SYNDIG1: variants seen among roughly 807,000 people sequenced by gnomAD.
The protein encoded by SYNDIG1 is synapse differentiation-inducing gene protein 1.
A neutral mutation model predicts 19.4 loss-of-function variants in SYNDIG1; 9 were observed. The ratio of observed to expected loss-of-function variants is 0.46; its 90% CI spans 0.28 to 0.81. The LOEUF is 0.81. SYNDIG1 is among the 30% of genes least tolerant of loss of function. SYNDIG1 has a pLI of 0.12. For synonymous variants in SYNDIG1, 141 were observed against 145.9 expected (o/e 0.97, Z 0.24); for missense variants, 311 against 343.3 (o/e 0.91, Z 0.74).
intron 1 of SYNDIG1, among the ~76,000 whole-genome samples, chr20:24,529,019 C>G (rs1050077523): frequency 6.6e-6 from 1 of 152,122 alleles, no homozygotes; most frequent in Admixed American, 6.5e-5. Flanking sequence ...GATGAAGCCC[C>G]TCTGGCCCTC....
At chr20:24,569,013 G>A (rs897100959) in intron 2 of SYNDIG1, among the ~76,000 whole-genome samples, 2 of 152,134 alleles carry the variant, frequency 1.3e-5, no homozygotes, top group African/African-American at 4.8e-5. Context: ...CGCCAACCTG[G>A]GGAAATTGTC....
At chr20:24,485,936 C>A (rs1161884520) in intron 1 of SYNDIG1, among the ~76,000 whole-genome samples, 3 of 152,226 alleles carry the variant, frequency 2.0e-5, no homozygotes, top group African/African-American at 7.2e-5. Flanking sequence ...CAGGAGATGT[C>A]TTTGGCCCAA....
At chr20:24,649,522 G>A (rs532834371) in intron 3 of SYNDIG1, among the ~76,000 whole-genome samples, 73 of 152,244 alleles carry the variant, frequency 4.8e-4, no homozygotes, top group African/African-American at 1.1e-3. Context: ...TTGAGGTCTC[G>A]ATTGCTCACT....
intron 3 of SYNDIG1, among the ~76,000 whole-genome samples, chr20:24,603,106 C>A (rs2058702643): frequency 6.6e-6 from 1 of 152,114 alleles, no homozygotes; most frequent in African/African-American, 2.4e-5. Context: ...TGGAATCTGC[C>A]ACATTGTAGG....
Position 24,543,495 on chromosome 20 carries a change from T to G in SYNDIG1, c.398T>G (p.Phe133Cys), listed in dbSNP as rs148587691. 112 of 1,612,152 alleles carry G rather than the reference T, an allele frequency of 6.9e-5. No homozygotes were observed. In the African/African-American group the frequency reaches 1.3e-3, roughly 19 times the overall value. ...KDSLEYPDGKFIDLSADDIKI... is the reference protein window; with the variant it reads ...KDSLEYPDGKCIDLSADDIKI... ...AGCCTCGAGTACCCGGATGGGAAGT[T>G]CATTGACCTCTCAGCTGATGACATA... Residue 133 changes from phenylalanine to cysteine, a missense_variant, in exon 2 of 4, where the codon TTC becomes TGC. Coordinates refer to ENST00000376862, the MANE Select transcript of SYNDIG1 (RefSeq NM_024893.3).
chr20:24,506,619 A>G (rs1980824), intron 1 of SYNDIG1, among the ~76,000 whole-genome samples: 101,213 of 152,198 alleles, frequency 0.67, 33,798 homozygotes, highest in Middle Eastern at 0.76. Flanking sequence ...TGGCCCTGCT[A>G]CTGGGATGGA....
chr20:24,510,081 T>C (rs1239272575), intron 1 of SYNDIG1, among the ~76,000 whole-genome samples: 1 of 152,112 alleles, frequency 6.6e-6, no homozygotes, highest in East Asian at 1.9e-4. Context: ...TCCTGAGTCC[T>C]CCCCAGAAGC....
In SYNDIG1 at chr20:24,543,054, A is replaced by C; in HGVS notation, c.-44A>C. 1.3e-6 allele frequency: 2 copies of C among 1,586,728 alleles called. No homozygotes were observed. The highest frequency in any genetic ancestry group is 1.7e-6 in the Non-Finnish European group (2 of 1,163,390). Reference sequence around the variant, plus strand: ...CTTCCCTGAGGCAAGTGTAACCTACATTCCCAGCCCACCAGCCTGACGCCC... The same window carrying C: ...CTTCCCTGAGGCAAGTGTAACCTACCTTCCCAGCCCACCAGCCTGACGCCC... On this transcript the variant is annotated 5_prime_UTR_variant, in exon 2 of 4. Coordinates refer to ENST00000376862, the MANE Select transcript of SYNDIG1 (RefSeq NM_024893.3).
At chr20:24,470,410 C>G (rs1409653556) in intron 1 of SYNDIG1, among the ~76,000 whole-genome samples, 1 of 152,242 alleles carries the variant, frequency 6.6e-6, no homozygotes, top group Non-Finnish European at 1.5e-5. Flanking sequence ...CTAGCCAGGA[C>G]AAGACCTGCC....
At chr20:24,657,372 C>A (rs1384152210) in intron 3 of SYNDIG1, among the ~76,000 whole-genome samples, 1 of 152,156 alleles carries the variant, frequency 6.6e-6, no homozygotes, top group African/African-American at 2.4e-5. Flanking sequence ...AGAAGCCTCC[C>A]TGGGAGGAAG....
intron 1 of SYNDIG1, among the ~76,000 whole-genome samples, chr20:24,476,374 G>T (rs939245048): frequency 6.6e-6 from 1 of 151,986 alleles, no homozygotes; most frequent in Non-Finnish European, 1.5e-5. Flanking sequence ...ATCTTTAAAA[G>T]CTGTGGATAT....
At chr20:24,572,406 C>T (rs2058158839) in intron 2 of SYNDIG1, among the ~76,000 whole-genome samples, 1 of 152,180 alleles carries the variant, frequency 6.6e-6, no homozygotes, top group African/African-American at 2.4e-5. Flanking sequence ...TCTCCTGTGC[C>T]ACATCTTCGG....
chr20:24,614,750 C>T (rs2058903421), intron 3 of SYNDIG1, among the ~76,000 whole-genome samples: 1 of 152,094 alleles, frequency 6.6e-6, no homozygotes, highest in Non-Finnish European at 1.5e-5. Context: ...TATTAAAGTG[C>T]TAATTATTGA....
At chr20:24,553,884 A>G (rs375771228) in intron 2 of SYNDIG1, among the ~76,000 whole-genome samples, 1 of 152,182 alleles carries the variant, frequency 6.6e-6, no homozygotes, top group Non-Finnish European at 1.5e-5. Flanking sequence ...CATTGAATCT[A>G]TAAATTACCT....
intron 1 of SYNDIG1, among the ~76,000 whole-genome samples, chr20:24,532,478 G>C (rs555128602): frequency 2.0e-5 from 3 of 152,332 alleles, no homozygotes; most frequent in Admixed American, 6.5e-5. Context: ...CACATCATGG[G>C]CATGGGGTGA....
chr20:24,596,521 G>A (rs2058597531), intron 3 of SYNDIG1, among the ~76,000 whole-genome samples: 1 of 152,096 alleles, frequency 6.6e-6, no homozygotes, highest in Non-Finnish European at 1.5e-5. Flanking sequence ...TGGGACTACA[G>A]GCTCCCACCA....
At chr20:24,650,787 T>TGGCTCCCAAG (rs1276925762) in intron 3 of SYNDIG1, among the ~76,000 whole-genome samples, 6 of 152,222 alleles carry the variant, frequency 3.9e-5, no homozygotes, top group East Asian at 1.9e-4. Context: ...AGCTCACTTC[T>TGGCTCCCAAG]GGCTCCCAAG....
chr20:24,587,199 A>G (rs937789876), intron 3 of SYNDIG1, among the ~76,000 whole-genome samples: 1 of 152,184 alleles, frequency 6.6e-6, no homozygotes, highest in Non-Finnish European at 1.5e-5. Context: ...TGCCTTCACT[A>G]TGGGCGTAGA....
At chr20:24,638,119 G>A (rs926211597) in intron 3 of SYNDIG1, among the ~76,000 whole-genome samples, 5 of 152,174 alleles carry the variant, frequency 3.3e-5, no homozygotes, top group Non-Finnish European at 1.5e-5. Flanking sequence ...AAGCGGGCAC[G>A]GCTCACCTCT....
Sources: gnomAD v4.1 joint callset for allele counts (sites outside exome capture counted in the v4.1 genomes callset) on GRCh38, gnomAD v4.1.1 for gene constraint, MANE v1.5 for transcripts, NCBI Gene and HGNC (gene_info 2026-07-23, HGNC 2026-07-21) for gene names.